DNMT3A: variants seen among roughly 807,000 people sequenced by gnomAD.
The protein encoded by DNMT3A is DNA methyltransferase 3 alpha, also known as DNA (cytosine-5)-methyltransferase 3A.
A neutral mutation model predicts 117.6 loss-of-function variants in DNMT3A; 267 were observed. The observed-to-expected ratio is 2.27, with a 90% CI of 2.05 to 2.51. The LOEUF (loss-of-function observed/expected upper bound fraction) is 2.51. Ranked by LOEUF, DNMT3A falls within the 30% of genes most tolerant of loss-of-function variation. The pLI, the probability that DNMT3A is intolerant of heterozygous loss-of-function variation, is 0.00. For missense variants in DNMT3A, 1,029 were observed against 1,260.2 expected (o/e 0.82, Z 2.78); for synonymous variants, 432 against 474.8 (o/e 0.91, Z 1.17).
In DNMT3A at chr2:25,244,689, C is replaced by A. The variant is rs563165080; in HGVS notation, c.1555-37G>T. On this transcript the variant is annotated intron_variant, in intron 13 of 22. Transcript: ENST00000321117. Reference sequence around the variant, plus strand: ...CGGGAAGGGTCAGAAACCACCAGGACGGGTCCCAGGACGGCCAGGACGAAG... The same window carrying A: ...CGGGAAGGGTCAGAAACCACCAGGAAGGGTCCCAGGACGGCCAGGACGAAG... 3.1e-6 allele frequency: 5 copies of A among 1,592,118 alleles called. No homozygotes were observed. The African/African-American group carries it at 6.7e-5, about 21-fold the overall frequency.
In DNMT3A at chr2:25,306,644, T is replaced by C. The variant is rs2033796807; in HGVS notation, c.73-6401A>G. On this transcript the variant is annotated intron_variant, in intron 2 of 22. Coordinates refer to ENST00000321117, the MANE Select transcript of DNMT3A (RefSeq NM_022552.5). This position sits in a 1 kb window ranked among gnomAD's most constrained non-coding sequence, Gnocchi z 4.1. ...GCCTGTCCACCTGGCTGGGGCCTCA[T>C]TGTCTTCTGGAGGTGCAGGGTGGGC... Among the ~76,000 whole-genome samples, 1 of 152,100 alleles carries C rather than the reference T, an allele frequency of 6.6e-6. No homozygotes were observed. Among genetic ancestry groups the C allele is most frequent in the African/African-American group, 2.4e-5 (1 of 41,418 alleles).
At chr2:25,291,721 T>C (rs1026882545) in intron 3 of DNMT3A, among the ~76,000 whole-genome samples, 4 of 152,210 alleles carry the variant, frequency 2.6e-5, no homozygotes, top group African/African-American at 7.2e-5. Flanking sequence ...TCTCCACCCG[T>C]GTGTCTGAGG....
At chr2:25,271,888 A>G (rs2030939667) in intron 6 of DNMT3A, among the ~76,000 whole-genome samples, 1 of 152,212 alleles carries the variant, frequency 6.6e-6, no homozygotes, top group Admixed American at 6.5e-5. Flanking sequence ...CTTACTAGAA[A>G]ATCTTTTGAT....
intron 1 of DNMT3A, among the ~76,000 whole-genome samples, chr2:25,330,241 C>T (rs537641535): frequency 6.6e-6 from 1 of 152,330 alleles, no homozygotes; most frequent in African/African-American, 2.4e-5. Flanking sequence ...AACGCCACAC[C>T]CTGAGTTCAT....
rs1672766785 is a variant in DNMT3A at position 25,228,804 on chromosome 2, A to C, written c.*5475T>G. 6.6e-6 allele frequency: 1 copy of C among 152,184 alleles called. No individual in the cohort carries two copies. Among genetic ancestry groups the C allele is most frequent in the Non-Finnish European group, 1.5e-5 (1 of 68,030 alleles). The allele number at this position is 152,184 out of a possible 1,614,324, so 9.4% of individuals were successfully genotyped here. On this transcript the variant is annotated 3_prime_UTR_variant, in exon 23 of 23. Transcript: ENST00000321117. ...GTTGAATTCTAGGGCTGTGCAACCA[A>C]ATCGGTCTGTGAAGTGAAATGGGAC...
rs752992961 is a variant in DNMT3A at position 25,247,202 on chromosome 2, C to T, written c.1015-44G>A. On this transcript the variant is annotated intron_variant, in intron 8 of 22. Transcript: ENST00000321117. The surrounding 1 kb of genome is among the most constrained non-coding windows in gnomAD (Gnocchi z 5.6). The stretch of plus-strand genomic sequence containing the variant: ...CCTTGTTTGCCGAGGCTTACACTTG[C>T]AAGCACCCACCCCATGCCTTGCAAC... The T allele has an allele frequency of 1.3e-6, 2 of 1,589,318 alleles. No individual in the cohort carries two copies. The highest frequency in any genetic ancestry group is 1.7e-6 in the Non-Finnish European group (2 of 1,162,698).
In DNMT3A at chr2:25,298,985, G is replaced by A. The variant is rs754677802; in HGVS notation, c.177+1154C>T. Among the ~76,000 whole-genome samples the A allele has an allele frequency of 5.3e-5, 7 of 131,272 alleles. No individual in the cohort carries two copies. Among genetic ancestry groups the A allele is most frequent in the Non-Finnish European group, 1.1e-4 (7 of 62,722 alleles). The allele number at this position is 131,272 out of a possible 152,430, so 86.1% of individuals were successfully genotyped here. On this transcript the variant is annotated intron_variant, in intron 3 of 22. Transcript: ENST00000321117. The surrounding 1 kb of genome is among the most constrained non-coding windows in gnomAD (Gnocchi z 4.3). ...ATTTCACTTCAGTCACCTTCAACCCGGCTCTCTACCCAAAGGGAGCAAGTC... is the reference window on the plus strand; with the variant it reads ...ATTTCACTTCAGTCACCTTCAACCCAGCTCTCTACCCAAAGGGAGCAAGTC...
rs771608861 is a variant in DNMT3A, at chr2:25,247,162, G to C, written c.1015-4C>G. The C allele has an allele frequency of 1.9e-6, 3 of 1,613,664 alleles. No individual in the cohort carries two copies. The highest frequency in any genetic ancestry group is 1.3e-5 in the African/African-American group (1 of 74,996). On this transcript the variant is annotated splice_polypyrimidine_tract_variant and splice_region_variant and intron_variant, in intron 8 of 22. Transcript: ENST00000321117. This position sits in a 1 kb window ranked among gnomAD's most constrained non-coding sequence, Gnocchi z 5.6. The stretch of plus-strand genomic sequence containing the variant: ...GCATCAGCTTCTCAACACACACCTG[G>C]GGGGACAAGCCAGGCCTTGTTTGCC...
At chr2:25,295,573 A>T (rs1309570248) in intron 3 of DNMT3A, among the ~76,000 whole-genome samples, 9 of 152,190 alleles carry the variant, frequency 5.9e-5, no homozygotes, top group Admixed American at 5.9e-4. Flanking sequence ...CACTTTTTCC[A>T]GCAGCCCTGA....
rs1675670744 is a variant in DNMT3A at position 25,252,295 on chromosome 2, G to A, written c.640-4043C>T. The A allele has an allele frequency of 1.8e-6, 1 of 555,264 alleles. No homozygotes were observed. Among genetic ancestry groups the A allele is most frequent in the Non-Finnish European group, 3.0e-6 (1 of 338,850 alleles). 34.4% of individuals were successfully genotyped at this position (555,264 alleles called of 1,614,324 possible). On this transcript the variant is annotated intron_variant, in intron 6 of 22. Transcript: ENST00000321117. This position sits in a 1 kb window ranked among gnomAD's most constrained non-coding sequence, Gnocchi z 5.5. ...CCGTCTTGGGGGAGGGGAAGGGGGCGATGGGGCTGGGGGCGGAGGGGGCCA... is the reference window on the plus strand; with the variant it reads ...CCGTCTTGGGGGAGGGGAAGGGGGCAATGGGGCTGGGGGCGGAGGGGGCCA...
chr2:25,233,084 G>C lies in DNMT3A; in HGVS notation c.*1195C>G, dbSNP rs1378820198. 3 of 233,692 alleles carry C rather than the reference G, an allele frequency of 1.3e-5. No individual in the cohort carries two copies. The highest frequency in any genetic ancestry group is 5.6e-5 in the Admixed American group (1 of 17,776). The allele number at this position is 233,692 out of a possible 1,614,324, so 14.5% of individuals were successfully genotyped here. A position where few individuals can be genotyped will look rare whatever the true frequency, so the allele number is the denominator to read the frequency against. On this transcript the variant is annotated 3_prime_UTR_variant, in exon 23 of 23. Coordinates refer to ENST00000321117, the MANE Select transcript of DNMT3A (RefSeq NM_022552.5). ...ACAAGGAGCCCTCGAATTGGCTAAA[G>C]TGAGAAACTGGGCCTGAAGACTCCG...
intron 13 of DNMT3A, 53 bp downstream of exon 13, chr2:25,245,200 A>C: frequency 6.4e-7 from 1 of 1,557,926 alleles, no homozygotes; most frequent in South Asian, 1.1e-5. Flanking sequence ...AGTCAGCCAG[A>C]AGGCCGAAGG....
rs1156927138 is a variant in DNMT3A, at chr2:25,246,666, C to A, written c.1233G>T (p.Leu411=). The change falls in exon 10 of 23, where the codon CTG becomes CTT. Residue 411 remains leucine, a synonymous_variant. Coordinates refer to ENST00000321117, the MANE Select transcript of DNMT3A (RefSeq NM_022552.5). ...VQNKPMIEWA[L]GGFQPSGPKG... ...TAGGGCCAGAAGGCTGGAAGCCCCC[C>A]AGGGCCCATTCAATCATGGGCTTGT... 6.2e-7 allele frequency: 1 copy of A among 1,613,608 alleles called. No homozygotes were observed. Among genetic ancestry groups the A allele is most frequent in the East Asian group, 2.2e-5 (1 of 44,880 alleles).
intron 19 of DNMT3A, 157 bp from the exon 20 acceptor site, chr2:25,239,372 T>A (rs1673723036): frequency 2.9e-6 from 2 of 688,398 alleles, no homozygotes; most frequent in Non-Finnish European, 5.4e-6. Flanking sequence ...AAGCTGGAAT[T>A]ACACCTAGCC....
At chr2:25,300,998 T>C (rs1453588258) in intron 2 of DNMT3A, among the ~76,000 whole-genome samples, 1 of 151,536 alleles carries the variant, frequency 6.6e-6, no homozygotes, top group Non-Finnish European at 1.5e-5. Flanking sequence ...TCGCTGGGCA[T>C]GGTGGCTCAC....
In DNMT3A at chr2:25,274,998, G is replaced by A. The variant is rs746479030; in HGVS notation, c.582C>T (p.Asp194=). 3.1e-6 allele frequency: 5 copies of A among 1,613,712 alleles called. No individual in the cohort carries two copies. The East Asian group carries it at 1.1e-4, about 36-fold the overall frequency. The part of the protein sequence containing the change: ...PMPRLTFQAG[D]PYYISKRKRD... ...GCTTGCGCTTGCTGATGTAGTAGGG[G>A]TCCCCCGCCTGGAAGGTGAGCCTCG... The change falls in exon 6 of 23, where the codon GAC becomes GAT. Residue 194 remains aspartate, a synonymous_variant. Coordinates refer to ENST00000321117, the MANE Select transcript of DNMT3A (RefSeq NM_022552.5).
At chr2:25,321,905 A>G (rs1163152368) in intron 1 of DNMT3A, among the ~76,000 whole-genome samples, 1 of 152,170 alleles carries the variant, frequency 6.6e-6, no homozygotes, top group Non-Finnish European at 1.5e-5. Flanking sequence ...ACAACAAACA[A>G]TTTTTTGAAA....
At chr2:25,264,134 T>TTG (rs1314455269) in intron 6 of DNMT3A, among the ~76,000 whole-genome samples, 1 of 119,850 alleles carries the variant, frequency 8.3e-6, no homozygotes, top group Non-Finnish European at 1.7e-5. Flanking sequence ...ACCCTTTGGT[T>TTG]TTTTTTTTTT....
intron 4 of DNMT3A, among the ~76,000 whole-genome samples, chr2:25,278,581 T>C (rs1480411381): frequency 6.6e-6 from 1 of 152,240 alleles, no homozygotes. Flanking sequence ...ATCTCAGCAC[T>C]TTGGAAGGCC....
Sources: gnomAD v4.1 joint callset for allele counts (sites outside exome capture counted in the v4.1 genomes callset) on GRCh38, gnomAD v4.1.1 for gene constraint, Gnocchi (gnomAD v3.1) non-coding constraint, MANE v1.5 for transcripts, NCBI Gene and HGNC (gene_info 2026-07-23, HGNC 2026-07-21) for gene names.